Variants in DACH1 observed in about 807,000 individuals in gnomAD.
DACH1 encodes dachshund family transcription factor 1, also known as dachshund homolog 1.
Under a neutral mutation model 54.2 loss-of-function variants are expected in DACH1, and 12 were observed. That is an observed-to-expected ratio of 0.22 (90% CI 0.14 to 0.36). DACH1 has a LOEUF of 0.36. Ranked by LOEUF, DACH1 falls within the 10% of genes least tolerant of loss-of-function variation. The pLI is 1.00. For missense variants in DACH1, 805 were observed against 929.8 expected (o/e 0.87, Z 1.75); for synonymous variants, 386 against 366.2 (o/e 1.05, Z -0.62).
intron 1 of DACH1, among the ~76,000 whole-genome samples, chr13:71,771,374 C>G (rs1164522649): frequency 1.3e-5 from 2 of 150,772 alleles, no homozygotes; most frequent in African/African-American, 4.9e-5. Context: ...CCAGAATGAC[C>G]AAATGACAGA....
At chr13:71,536,929 A>T (rs1041057890) in intron 6 of DACH1, among the ~76,000 whole-genome samples, 1 of 152,086 alleles carries the variant, frequency 6.6e-6, no homozygotes, top group Non-Finnish European at 1.5e-5. Flanking sequence ...CCTCTTAATT[A>T]GTTTATTATT....
chr13:71,585,633 A>G (rs369152291), intron 3 of DACH1, among the ~76,000 whole-genome samples: 1 of 152,284 alleles, frequency 6.6e-6, no homozygotes, highest in African/African-American at 2.4e-5. Flanking sequence ...AGGAGAGAAC[A>G]CATATTAGGA....
rs1873720924 is a variant in DACH1, at chr13:71,438,606, G to T, written c.*2049C>A. Reference sequence around the variant, plus strand: ...AACTATTTAATCCACATAACAAACAGGTGACTCTATGCCAGGAGCAGAGCA... The same window carrying T: ...AACTATTTAATCCACATAACAAACATGTGACTCTATGCCAGGAGCAGAGCA... On this transcript the variant is annotated 3_prime_UTR_variant, in exon 11 of 11. Coordinates refer to ENST00000613252, the MANE Select transcript of DACH1 (RefSeq NM_080759.6). The T allele has an allele frequency of 6.8e-6, 1 of 147,500 alleles. No homozygotes were observed. The highest frequency in any genetic ancestry group is 1.5e-5 in the Non-Finnish European group (1 of 66,236). The allele number at this position is 147,500 out of a possible 1,614,324, so 9.1% of individuals were successfully genotyped here. A position where few individuals can be genotyped will look rare whatever the true frequency, so the allele number is the denominator to read the frequency against.
At chr13:71,747,266 T>TAAG (rs749862596) in intron 1 of DACH1, among the ~76,000 whole-genome samples, 3 of 151,474 alleles carry the variant, frequency 2.0e-5, no homozygotes, top group Non-Finnish European at 4.4e-5. Flanking sequence ...ACAGAATTAA[T>TAAG]AAGAAAAAAT....
At chr13:71,751,861 C>T (rs1283248471) in intron 1 of DACH1, among the ~76,000 whole-genome samples, 2 of 152,060 alleles carry the variant, frequency 1.3e-5, no homozygotes, top group African/African-American at 4.8e-5. Context: ...CTTATACACT[C>T]CTTGTGATCA....
chr13:71,498,458 C>T (rs1019439120), intron 6 of DACH1, among the ~76,000 whole-genome samples: 2 of 152,114 alleles, frequency 1.3e-5, no homozygotes, highest in Non-Finnish European at 2.9e-5. Context: ...TATTGGAAAA[C>T]CACTCTATTG....
intron 1 of DACH1, among the ~76,000 whole-genome samples, chr13:71,729,826 G>T (rs1420646294): frequency 6.6e-6 from 1 of 152,002 alleles, no homozygotes; most frequent in East Asian, 1.9e-4. Context: ...CCATAAAGCA[G>T]AATAAGCCAA....
intron 1 of DACH1, among the ~76,000 whole-genome samples, chr13:71,741,584 A>T (rs1254138329): frequency 1.3e-5 from 2 of 152,182 alleles, no homozygotes; most frequent in Non-Finnish European, 2.9e-5. Flanking sequence ...GATAAAATTA[A>T]TGATCCCTCT....
chr13:71,631,423 CTGTTGGGACACCTGTTTTCCTCACTAGAT>C (rs1391852569), intron 2 of DACH1, among the ~76,000 whole-genome samples: 2 of 152,140 alleles, frequency 1.3e-5, no homozygotes, highest in African/African-American at 4.8e-5. Flanking sequence ...CTGGAATGGT[CTGTTGGGACACCTGTTTTCCTCACTAGAT>C]TGTGAACTAC....
intron 1 of DACH1, among the ~76,000 whole-genome samples, chr13:71,838,394 A>G (rs970921746): frequency 6.6e-6 from 1 of 152,206 alleles, no homozygotes; most frequent in Non-Finnish European, 1.5e-5. Flanking sequence ...GGTTTTGATT[A>G]TAAGTGTGTT....
chr13:71,582,005 G>A (rs1872885916), intron 3 of DACH1, among the ~76,000 whole-genome samples: 1 of 152,150 alleles, frequency 6.6e-6, no homozygotes, highest in African/African-American at 2.4e-5. Flanking sequence ...AAAAGGAGAT[G>A]CCCAGTGAGG....
intron 10 of DACH1, among the ~76,000 whole-genome samples, chr13:71,465,345 A>G (rs1317771048): frequency 6.6e-6 from 1 of 152,042 alleles, no homozygotes; most frequent in Non-Finnish European, 1.5e-5. Context: ...ATATTTTCAG[A>G]TCACTTTTAT....
At chr13:71,808,932 T>G (rs1389768737) in intron 1 of DACH1, among the ~76,000 whole-genome samples, 1 of 152,182 alleles carries the variant, frequency 6.6e-6, no homozygotes, top group South Asian at 2.1e-4. Flanking sequence ...TGCTGCTACT[T>G]AAAGCCAACA....
At position 71,475,561 on chromosome 13, in the gene DACH1, C is replaced by T. The variant is rs182224877; in HGVS notation, c.2014+145G>A. ...ATAAAATAAGGCATTTTCCCCAACA[C>T]GTTCTTCCCACCCTGCTTTCAGCTT... On this transcript the variant is annotated intron_variant, in intron 9 of 10. Transcript: ENST00000613252. 2.0e-3 allele frequency: 2,036 copies of T among 999,038 alleles called. 5 individuals are homozygous for T. The highest frequency in any genetic ancestry group is 2.7e-3 in the Non-Finnish European group (1,869 of 688,760). 61.9% of individuals were successfully genotyped at this position (999,038 alleles called of 1,614,324 possible). A position where few individuals can be genotyped will look rare whatever the true frequency, so the allele number is the denominator to read the frequency against.
At chr13:71,859,288 G>T (rs1434957659) in intron 1 of DACH1, among the ~76,000 whole-genome samples, 1 of 151,492 alleles carries the variant, frequency 6.6e-6, no homozygotes, top group African/African-American at 2.4e-5. Flanking sequence ...TTTTTAAATG[G>T]GTGAATTCGA....
chr13:71,572,771 A>T (rs1189442191), intron 4 of DACH1, 69 bp downstream of exon 4: 1 of 1,492,300 alleles, frequency 6.7e-7, no homozygotes. Context: ...TTATGGAATA[A>T]GAAAAATGGA....
chr13:71,587,614 T>C (rs572470029), intron 3 of DACH1, among the ~76,000 whole-genome samples: 75 of 152,080 alleles, frequency 4.9e-4, no homozygotes, highest in African/African-American at 1.8e-3. Context: ...TTTTTTATGA[T>C]ATTTCAAGTA....
At chr13:71,701,222 A>G (rs948750863) in intron 1 of DACH1, among the ~76,000 whole-genome samples, 2 of 152,162 alleles carry the variant, frequency 1.3e-5, no homozygotes, top group African/African-American at 2.4e-5. Flanking sequence ...TATATGTACT[A>G]AGCTATTTGA....
At chr13:71,707,115 A>C (rs2138767246) in intron 1 of DACH1, among the ~76,000 whole-genome samples, 1 of 152,320 alleles carries the variant, frequency 6.6e-6, no homozygotes, top group South Asian at 2.1e-4. Context: ...AAGAACATTA[A>C]GACAGGTCTG....
Sources: gnomAD v4.1 joint callset for allele counts (sites outside exome capture counted in the v4.1 genomes callset) on GRCh38, gnomAD v4.1.1 for gene constraint, MANE v1.5 for transcripts, NCBI Gene and HGNC (gene_info 2026-07-23, HGNC 2026-07-21) for gene names.